Variants in SLMAP observed in about 807,000 individuals in gnomAD.
SLMAP encodes the protein sarcolemmal membrane-associated protein.
SLMAP carries 44 observed loss-of-function variants against 128.8 expected under a neutral mutation model. The observed-to-expected ratio is 0.34, with a 90% CI of 0.27 to 0.44. SLMAP has a LOEUF of 0.44. Ranked by LOEUF, SLMAP falls within the 20% of genes least tolerant of loss-of-function variation. SLMAP has a pLI of 1.00. For synonymous variants in SLMAP, 327 were observed against 348.8 expected, an observed-to-expected ratio of 0.94 and a Z score of 0.70; for missense variants, 787 against 985.3, an observed-to-expected ratio of 0.80 and a Z score of 2.69.
intron 2 of SLMAP, among the ~76,000 whole-genome samples, chr3:57,785,681 A>G (rs1362372530): frequency 6.6e-6 from 1 of 152,100 alleles, no homozygotes; most frequent in East Asian, 1.9e-4. Flanking sequence ...CTACTACCAC[A>G]CTTCTCTTTT....
intron 22 of SLMAP, among the ~76,000 whole-genome samples, chr3:57,922,425 CTTTTTTTTTTT>C (rs72397483): frequency 8.0e-6 from 1 of 124,996 alleles, no homozygotes; most frequent in Non-Finnish European, 1.7e-5. Context: ...AAAGGCTTTT[CTTTTTTTTTTT>C]TTTTTTTTGA....
intron 15 of SLMAP, among the ~76,000 whole-genome samples, chr3:57,895,488 C>T (rs2096218234): frequency 6.6e-6 from 1 of 152,040 alleles, no homozygotes; most frequent in Non-Finnish European, 1.5e-5. Context: ...GTGCCCAGCA[C>T]CATGCCCAGC....
chr3:57,837,117 G>A (rs2093675519), intron 3 of SLMAP, among the ~76,000 whole-genome samples: 1 of 152,188 alleles, frequency 6.6e-6, no homozygotes, highest in South Asian at 2.1e-4. Context: ...TGGCCTTCAA[G>A]CCCTTGCACA....
At chr3:57,763,309 C>G (rs1286681374) in intron 2 of SLMAP, among the ~76,000 whole-genome samples, 4 of 148,950 alleles carry the variant, frequency 2.7e-5, no homozygotes, top group Admixed American at 1.3e-4. Flanking sequence ...GAGTCTCGCT[C>G]TGTCACTCAG....
intron 14 of SLMAP, among the ~76,000 whole-genome samples, chr3:57,886,335 G>T (rs1247994515): frequency 1.3e-5 from 2 of 151,604 alleles, no homozygotes; most frequent in Non-Finnish European, 2.9e-5. Context: ...CTGACCTCAG[G>T]TTATCTACCC....
At chr3:57,918,331 A>C (rs180928884) in intron 22 of SLMAP, 1 of 152,328 alleles carries the variant, frequency 6.6e-6, no homozygotes, top group East Asian at 1.9e-4. Context: ...CGCATTAGTC[A>C]TTTTGTTGCA....
intron 3 of SLMAP, among the ~76,000 whole-genome samples, chr3:57,834,991 G>A (rs559260867): frequency 3.3e-5 from 5 of 151,442 alleles, no homozygotes; most frequent in South Asian, 4.2e-4. Flanking sequence ...GCGTGGTGGC[G>A]CACGCCTGTA....
intron 22 of SLMAP, among the ~76,000 whole-genome samples, chr3:57,920,403 CCT>C (rs1332818899): frequency 6.6e-6 from 1 of 152,150 alleles, no homozygotes; most frequent in African/African-American, 2.4e-5. Context: ...TTTCTGGTGA[CCT>C]CTGTGTTGAC....
Position 57,928,539 on chromosome 3 carries a change from G to A in SLMAP, c.*1250G>A, listed in dbSNP as rs1223508172. On this transcript the variant is annotated 3_prime_UTR_variant, in exon 25 of 25. Coordinates refer to ENST00000671191, the MANE Select transcript of SLMAP (RefSeq NM_001377540.1). ...GCACAATGAAGCACCTAAAAACACT[G>A]CTTGATATTATAAATTTAAAACACA... is the stretch of plus-strand genomic sequence containing the variant. 5.9e-5 allele frequency: 9 copies of A among 152,254 alleles called. No homozygotes were observed. In the South Asian group the frequency reaches 1.9e-3, roughly 32 times the overall value. The allele number at this position is 152,254 out of a possible 1,614,324, so 9.4% of individuals were successfully genotyped here.
At chr3:57,763,840 A>AT (rs904809952) in intron 2 of SLMAP, among the ~76,000 whole-genome samples, 69 of 151,912 alleles carry the variant, frequency 4.5e-4, no homozygotes, top group Middle Eastern at 3.4e-3. Context: ...GGTTATTTTT[A>AT]TTTTTTTTGT....
At chr3:57,836,145 A>G (rs116592743) in intron 3 of SLMAP, among the ~76,000 whole-genome samples, 1 of 152,118 alleles carries the variant, frequency 6.6e-6, no homozygotes, top group African/African-American at 2.4e-5. Flanking sequence ...AGTCTCACCA[A>G]TCCCTATAAA....
intron 23 of SLMAP, among the ~76,000 whole-genome samples, chr3:57,924,462 G>A (rs576219275): frequency 4.6e-5 from 7 of 151,086 alleles, no homozygotes; most frequent in South Asian, 2.1e-4. Flanking sequence ...TCCACCTCCC[G>A]GGTTCAAGCA....
intron 6 of SLMAP, among the ~76,000 whole-genome samples, chr3:57,855,818 C>A (rs1251388170): frequency 6.6e-6 from 1 of 150,712 alleles, no homozygotes; most frequent in Non-Finnish European, 1.5e-5. Context: ...CCAAGGCGGG[C>A]GGATCACTTG....
At chr3:57,896,969 G>GT (rs1178419382) in intron 17 of SLMAP, 37 bp downstream of exon 17, 5 of 1,611,300 alleles carry the variant, frequency 3.1e-6, no homozygotes, top group Non-Finnish European at 4.2e-6. Flanking sequence ...GTAAACCAGG[G>GT]TATCAAATCA....
chr3:57,853,668 A>G (rs2094586135), intron 6 of SLMAP, among the ~76,000 whole-genome samples: 1 of 151,834 alleles, frequency 6.6e-6, no homozygotes, highest in African/African-American at 2.4e-5. Context: ...TGGGCTGGGC[A>G]CGGTGGCTAT....
At chr3:57,887,598 C>T (rs930634318) in intron 14 of SLMAP, among the ~76,000 whole-genome samples, 2 of 152,208 alleles carry the variant, frequency 1.3e-5, no homozygotes, top group African/African-American at 4.8e-5. Context: ...CCACTCTGCT[C>T]CATATTGTCA....
chr3:57,769,498 T>A (rs1431356842), intron 2 of SLMAP, among the ~76,000 whole-genome samples: 1 of 152,076 alleles, frequency 6.6e-6, no homozygotes, highest in African/African-American at 2.4e-5. Context: ...CGGCTGGATT[T>A]TTTTTTTTAA....
intron 22 of SLMAP, among the ~76,000 whole-genome samples, chr3:57,922,594 A>G (rs1349357187): frequency 1.3e-5 from 2 of 151,842 alleles, no homozygotes; most frequent in Admixed American, 1.3e-4. Context: ...ACGCCCAGCT[A>G]ATTTTTGTAT....
intron 2 of SLMAP, among the ~76,000 whole-genome samples, chr3:57,816,820 A>C (rs1249759933): frequency 6.6e-6 from 1 of 152,238 alleles, no homozygotes; most frequent in East Asian, 1.9e-4. Context: ...ACTGAACTTC[A>C]GAAAGAAAAG....
Sources: allele counts gnomAD v4.1 joint callset (sites outside exome capture counted in the v4.1 genomes callset), GRCh38; gene constraint gnomAD v4.1.1; transcripts MANE v1.5; gene names NCBI Gene and HGNC (gene_info 2026-07-23, HGNC 2026-07-21).